ACTR3C: variants seen among roughly 807,000 people sequenced by gnomAD.
The protein encoded by ACTR3C is actin-related protein 3C.
In ACTR3C, 18 loss-of-function variants were observed where a neutral mutation model predicts 26.3. The ratio of observed to expected loss-of-function variants is 0.68; its 90% confidence interval spans 0.47 to 1.01. The LOEUF is 1.01. Ranked by LOEUF, ACTR3C falls within the 50% of genes least tolerant of loss-of-function variation. The pLI, the probability that ACTR3C is intolerant of heterozygous loss-of-function variation, is 0.00. For missense variants in ACTR3C, 184 were observed against 250.7 expected (o/e 0.73, Z 1.80); for synonymous variants, 55 against 94.5 (o/e 0.58, Z 2.42).
At chr7:150,147,000 C>T in the ACTR3C span, among the ~76,000 whole-genome samples, 8 of 152,278 alleles carry the variant, frequency 5.3e-5, no homozygotes, top group Non-Finnish European at 8.8e-5. Context: ...ATGAAAAATG[C>T]GGTGTATCCT....
At chr7:149,889,985 G>GA in the ACTR3C span, among the ~76,000 whole-genome samples, 5 of 151,664 alleles carry the variant, frequency 3.3e-5, no homozygotes, top group South Asian at 2.1e-4. Context: ...CACAGCCAGG[G>GA]AAAAAAAATC....
chr7:149,888,401 C>G, the ACTR3C span, among the ~76,000 whole-genome samples: 1 of 152,238 alleles, frequency 6.6e-6, no homozygotes, highest in Non-Finnish European at 1.5e-5. Context: ...CTCAACCAAC[C>G]TTGTGGCATG....
chr7:150,288,273 G>C (rs1835940757), intron 4 of ACTR3C, among the ~76,000 whole-genome samples: 1 of 150,356 alleles, frequency 6.7e-6, no homozygotes, highest in African/African-American at 2.5e-5. Flanking sequence ...CCCGTGAGGA[G>C]AGTTGAAGGC....
chr7:150,158,314 A>G, the ACTR3C span, among the ~76,000 whole-genome samples: 1 of 152,032 alleles, frequency 6.6e-6, no homozygotes, highest in African/African-American at 2.4e-5. Context: ...TCAAAATAGA[A>G]CTGCCATATG....
chr7:150,093,925 G>A, the ACTR3C span, among the ~76,000 whole-genome samples: 3 of 150,812 alleles, frequency 2.0e-5, no homozygotes, highest in Non-Finnish European at 4.4e-5. Context: ...AGTCTTTTAA[G>A]TGCTCCCTGT....
At chr7:150,242,398 C>G (rs59841762), downstream of ACTR3C, among the ~76,000 whole-genome samples, 7,089 of 150,620 alleles carry the variant, frequency 0.047, 335 homozygotes, top group East Asian at 0.13. Flanking sequence ...AGACTGTCTG[C>G]AAAGGGGCAC....
chr7:150,300,328 G>C (rs1421197778), intron 1 of ACTR3C, among the ~76,000 whole-genome samples: 3 of 152,022 alleles, frequency 2.0e-5, no homozygotes, highest in African/African-American at 7.3e-5. Context: ...CTCCAGCCTG[G>C]GCTACAGAGC....
At chr7:149,888,005 T>C in the ACTR3C span, among the ~76,000 whole-genome samples, 45 of 152,146 alleles carry the variant, frequency 3.0e-4, no homozygotes, top group Non-Finnish European at 4.1e-4. Flanking sequence ...TCTTTTTTTT[T>C]CCCCCCAGTT....
chr7:150,177,627 A>G, the ACTR3C span, among the ~76,000 whole-genome samples: 4 of 150,816 alleles, frequency 2.7e-5, no homozygotes, highest in Non-Finnish European at 5.9e-5. Context: ...TCTCTCATCA[A>G]TACAAAAGCT....
the ACTR3C span, among the ~76,000 whole-genome samples, chr7:150,097,516 T>C: frequency 6.6e-6 from 1 of 151,704 alleles, no homozygotes; most frequent in Non-Finnish European, 1.5e-5. Context: ...GCAGTTCTTG[T>C]AAAACCAGCA....
the ACTR3C span, among the ~76,000 whole-genome samples, chr7:150,137,683 A>G: frequency 2.0e-5 from 3 of 152,250 alleles, no homozygotes; most frequent in Non-Finnish European, 2.9e-5. Context: ...CAAATGAAGG[A>G]ACAGTTAATT....
chr7:149,890,747 G>T, the ACTR3C span: 1 of 164,462 alleles, frequency 6.1e-6, no homozygotes, highest in Non-Finnish European at 1.3e-5. Flanking sequence ...CTCTAACCAG[G>T]TTAGGCATAG....
At chr7:150,240,704 C>T (rs1428562789), downstream of ACTR3C, among the ~76,000 whole-genome samples, 1 of 152,088 alleles carries the variant, frequency 6.6e-6, no homozygotes, top group Admixed American at 6.6e-5. Context: ...TAACGTGATG[C>T]TAGATGTCCT....
intron 3 of ACTR3C, among the ~76,000 whole-genome samples, chr7:150,292,268 G>GGTCT (rs1836331985): frequency 6.6e-6 from 1 of 152,116 alleles, no homozygotes; most frequent in Admixed American, 6.5e-5. Flanking sequence ...CCTCAAAGGA[G>GGTCT]AAAGACCAGG....
At chr7:150,306,694 G>C (rs1189335329) in intron 1 of ACTR3C, among the ~76,000 whole-genome samples, 1 of 152,182 alleles carries the variant, frequency 6.6e-6, no homozygotes, top group South Asian at 2.1e-4. Context: ...AAACAATTTA[G>C]CAATACCTCG....
At chr7:150,231,829 A>G in the ACTR3C span, among the ~76,000 whole-genome samples, 2 of 152,040 alleles carry the variant, frequency 1.3e-5, no homozygotes, top group South Asian at 2.1e-4. Flanking sequence ...CTTGGGAAGA[A>G]CATATGTTAT....
chr7:150,257,558 T>C (rs906381295), intron 6 of ACTR3C, among the ~76,000 whole-genome samples: 1 of 151,710 alleles, frequency 6.6e-6, no homozygotes, highest in East Asian at 1.9e-4. Context: ...ACCCAAAGAG[T>C]TGAATGAATT....
intron 1 of ACTR3C, among the ~76,000 whole-genome samples, chr7:150,317,954 G>A (rs1172465145): frequency 6.6e-6 from 1 of 152,156 alleles, no homozygotes; most frequent in East Asian, 1.9e-4. Context: ...TGTCTCACAA[G>A]AGGGTGTTAA....
At chr7:149,938,409 T>C in the ACTR3C span, among the ~76,000 whole-genome samples, 1 of 149,044 alleles carries the variant, frequency 6.7e-6, no homozygotes, top group Non-Finnish European at 1.5e-5. Flanking sequence ...CCTCAAAATA[T>C]AGTAATGTTT....
Sources: gnomAD v4.1 joint callset for allele counts (sites outside exome capture counted in the v4.1 genomes callset) on GRCh38, gnomAD v4.1.1 for gene constraint, MANE v1.5 for transcripts, NCBI Gene and HGNC (gene_info 2026-07-23, HGNC 2026-07-21) for gene names.